CNTNAP4: variants seen among roughly 807,000 people sequenced by gnomAD.
CNTNAP4 encodes the protein contactin associated protein family member 4.
In CNTNAP4, 98 loss-of-function variants were observed where a neutral mutation model predicts 148.4. That is an observed-to-expected ratio of 0.66 (90% CI 0.56 to 0.78). The LOEUF is 0.78. Among genes scored for constraint, CNTNAP4 ranks in the 30% least tolerant of loss-of-function variants. CNTNAP4 has a pLI of 0.00. For synonymous variants in CNTNAP4, 730 were observed against 565.1 expected, an observed-to-expected ratio of 1.29 and a Z score of -4.14; for missense variants, 1,935 against 1,565.6, an observed-to-expected ratio of 1.24 and a Z score of -3.98.
chr16:76,352,456 G>A (rs746815146), intron 2 of CNTNAP4, among the ~76,000 whole-genome samples: 1 of 152,088 alleles, frequency 6.6e-6, no homozygotes, highest in Non-Finnish European at 1.5e-5. Context: ...ACATCCACTG[G>A]GAACCACTGA....
intron 21 of CNTNAP4, among the ~76,000 whole-genome samples, chr16:76,552,278 G>C (rs1380221865): frequency 3.3e-5 from 5 of 152,118 alleles, no homozygotes; most frequent in African/African-American, 9.7e-5. Context: ...CCCTTGACAC[G>C]TGGGGATTAT....
In CNTNAP4 at chr16:76,289,958, A is replaced by T. The variant is rs368327236; in HGVS notation, c.85+12211A>T. ...TGTATTTAGATTCTGCTCACGTTTC[A>T]TCCTCCTCATGGTACACATTTGTGA... On this transcript the variant is annotated intron_variant, in intron 1 of 23. Coordinates refer to ENST00000611870, the MANE Select transcript of CNTNAP4 (RefSeq NM_033401.5). Among the ~76,000 whole-genome samples, 8 of 152,192 alleles carry T rather than the reference A, an allele frequency of 5.3e-5. 1 individual carries two copies. The East Asian group carries it at 1.5e-3, about 29-fold the overall frequency.
At chr16:76,284,535 G>T (rs1404815265) in intron 1 of CNTNAP4, among the ~76,000 whole-genome samples, 2 of 151,942 alleles carry the variant, frequency 1.3e-5, no homozygotes, top group African/African-American at 4.8e-5. Flanking sequence ...GAATTGGAAG[G>T]ATTCAGGGTT....
intron 8 of CNTNAP4, among the ~76,000 whole-genome samples, chr16:76,460,257 G>A (rs536200387): frequency 6.0e-5 from 9 of 151,006 alleles, no homozygotes; most frequent in African/African-American, 1.7e-4. Context: ...ACAGGCATGT[G>A]CCATCACGCC....
In CNTNAP4 at chr16:76,465,767, A is replaced by C. The variant is rs887649476; in HGVS notation, c.1484-1585A>C. ...TGTGTAGTACCATGTACAATAAATT[A>C]ACACTCAAAAAGCTTTGATGAATTT... On this transcript the variant is annotated intron_variant, in intron 9 of 23. Transcript: ENST00000611870. 2.6e-5 allele frequency among the ~76,000 whole-genome samples: 4 copies of C among 152,224 alleles called. No homozygotes were observed. The South Asian group carries it at 8.3e-4, about 32-fold the overall frequency.
intron 1 of CNTNAP4, among the ~76,000 whole-genome samples, chr16:76,301,591 A>G (rs1421459473): frequency 6.6e-6 from 1 of 152,198 alleles, no homozygotes; most frequent in Non-Finnish European, 1.5e-5. Context: ...GTAATGAAGA[A>G]ATGTTATCAG....
chr16:76,488,400 G>A (rs868755441), intron 12 of CNTNAP4, among the ~76,000 whole-genome samples: 3 of 152,074 alleles, frequency 2.0e-5, no homozygotes, highest in Non-Finnish European at 2.9e-5. Context: ...CTATTGTTTC[G>A]CAGAAAAATA....
At chr16:76,506,476 CTTTTTTTTTT>C (rs1237064108) in intron 15 of CNTNAP4, among the ~76,000 whole-genome samples, 2 of 43,130 alleles carry the variant, frequency 4.6e-5, no homozygotes, top group African/African-American at 7.4e-5. Context: ...TCTTCCGTTC[CTTTTTTTTTT>C]TTTTTTTTTT....
At chr16:76,423,217 C>T (rs2079254683) in intron 3 of CNTNAP4, among the ~76,000 whole-genome samples, 1 of 152,026 alleles carries the variant, frequency 6.6e-6, no homozygotes, top group Non-Finnish European at 1.5e-5. Flanking sequence ...GTGAGACCTT[C>T]TAAAATATTT....
At chr16:76,293,239 C>G (rs991865024) in intron 1 of CNTNAP4, among the ~76,000 whole-genome samples, 5 of 152,126 alleles carry the variant, frequency 3.3e-5, no homozygotes, top group African/African-American at 4.8e-5. Flanking sequence ...ATTCTCCTGC[C>G]TCAGCCTCCT....
chr16:76,433,083 C>T (rs1013862247), intron 4 of CNTNAP4, among the ~76,000 whole-genome samples: 3 of 152,102 alleles, frequency 2.0e-5, no homozygotes, highest in African/African-American at 7.2e-5. Flanking sequence ...ACTTGTAGAA[C>T]AGCTTTTCTT....
chr16:76,374,380 C>T (rs2015191965), intron 3 of CNTNAP4, among the ~76,000 whole-genome samples: 1 of 152,122 alleles, frequency 6.6e-6, no homozygotes, highest in Admixed American at 6.6e-5. Flanking sequence ...TTACTAATTC[C>T]ATCTTTGTAC....
chr16:76,450,607 C>G (rs907512701), intron 7 of CNTNAP4, among the ~76,000 whole-genome samples: 1 of 152,178 alleles, frequency 6.6e-6, no homozygotes, highest in Non-Finnish European at 1.5e-5. Flanking sequence ...GACGAACAGA[C>G]AACAGCATGT....
At chr16:76,539,670 C>G (rs769353056) in intron 19 of CNTNAP4, 49 bp from the exon 20 acceptor site, 1 of 1,499,178 alleles carries the variant, frequency 6.7e-7, no homozygotes, top group Non-Finnish European at 9.0e-7. Context: ...GTAAGCCGCT[C>G]TCAAAGTACG....
chr16:76,344,182 A>T (rs1326990197), intron 2 of CNTNAP4, among the ~76,000 whole-genome samples: 1 of 151,900 alleles, frequency 6.6e-6, no homozygotes, highest in Non-Finnish European at 1.5e-5. Flanking sequence ...GGAACAGTGA[A>T]AATACATACA....
intron 2 of CNTNAP4, among the ~76,000 whole-genome samples, chr16:76,324,782 C>T (rs752656359): frequency 3.3e-5 from 5 of 152,110 alleles, no homozygotes; most frequent in African/African-American, 9.7e-5. Flanking sequence ...GGTACTTACT[C>T]ATGAAAAGAG....
intron 9 of CNTNAP4, among the ~76,000 whole-genome samples, chr16:76,462,592 TAC>T: frequency 6.6e-6 from 1 of 152,154 alleles, no homozygotes; most frequent in Non-Finnish European, 1.5e-5. Context: ...AATGCACTGA[TAC>T]ATTTGATGAA....
intron 15 of CNTNAP4, among the ~76,000 whole-genome samples, chr16:76,517,795 CT>C (rs533785713): frequency 8.9e-4 from 135 of 152,234 alleles, no homozygotes; most frequent in African/African-American, 3.1e-3. Context: ...GAGAAGAAAC[CT>C]TACCCCTCTG....
chr16:76,351,550 T>C (rs1597285793), intron 2 of CNTNAP4, among the ~76,000 whole-genome samples: 1 of 152,192 alleles, frequency 6.6e-6, no homozygotes, highest in African/African-American at 2.4e-5. Context: ...GTAGAGATAT[T>C]TGGATTCCCT....
Sources: gnomAD v4.1 joint callset for allele counts (sites outside exome capture counted in the v4.1 genomes callset) on GRCh38, gnomAD v4.1.1 for gene constraint, MANE v1.5 for transcripts, NCBI Gene and HGNC (gene_info 2026-07-23, HGNC 2026-07-21) for gene names.